NEK11: variants seen among roughly 807,000 people sequenced by gnomAD.
NEK11 encodes the protein serine/threonine-protein kinase Nek11.
A neutral mutation model predicts 80.7 loss-of-function variants in NEK11; 72 were observed. The ratio of observed to expected loss-of-function variants is 0.89; its 90% confidence interval spans 0.74 to 1.08. The LOEUF is 1.08. NEK11 is among the 50% of genes least tolerant of loss of function. The pLI is 0.00. For missense variants in NEK11, 764 were observed against 763.6 expected (o/e 1.00, Z -0.01); for synonymous variants, 251 against 260.7 (o/e 0.96, Z 0.36).
chr3:131,317,184 T>G (rs2096849250), intron 17 of NEK11, among the ~76,000 whole-genome samples: 1 of 152,324 alleles, frequency 6.6e-6, no homozygotes, highest in African/African-American at 2.4e-5. Context: ...AATTGCCACT[T>G]AAACCTAGGA....
At chr3:131,272,463 CTTTTTTTTTTTT>C (rs869304359) in intron 16 of NEK11, among the ~76,000 whole-genome samples, 532 of 43,940 alleles carry the variant, frequency 0.012, 25 homozygotes, top group Admixed American at 0.097. Flanking sequence ...GTTTTAGCTT[CTTTTTTTTTTTT>C]TTTTTTTTTT....
chr3:131,344,366 C>T (rs1298386358), intron 17 of NEK11, among the ~76,000 whole-genome samples: 1 of 152,234 alleles, frequency 6.6e-6, no homozygotes, highest in Non-Finnish European at 1.5e-5. Flanking sequence ...CTGGACTTCA[C>T]TGTTCATATC....
At chr3:131,274,357 A>G (rs971590814) in intron 17 of NEK11, among the ~76,000 whole-genome samples, 1,878 of 142,926 alleles carry the variant, frequency 0.013, 81 homozygotes, top group African/African-American at 0.052. Context: ...CCAGTCTATC[A>G]TTGTTGGACA....
intron 3 of NEK11, among the ~76,000 whole-genome samples, chr3:131,066,677 A>T (rs183861801): frequency 3.3e-4 from 50 of 152,048 alleles, no homozygotes; most frequent in African/African-American, 1.2e-3. Context: ...CTACTAAAAA[A>T]AAATAAATAC....
chr3:131,110,367 G>A lies in NEK11; in HGVS notation c.455+446G>A, dbSNP rs374481134. Among the ~76,000 whole-genome samples the A allele has an allele frequency of 1.6e-4, 25 of 152,250 alleles. No homozygotes were observed. In the South Asian group the frequency reaches 4.8e-3, roughly 29 times the overall value. On this transcript the variant is annotated intron_variant, in intron 5 of 17. Transcript: ENST00000383366. The stretch of plus-strand genomic sequence containing the variant: ...TAGGTTCACATCCCAAAAGAGCTCA[G>A]TAATTGAGACAGAATGTATTCTTTC...
chr3:131,113,614 G>GA (rs1303201625), intron 5 of NEK11, among the ~76,000 whole-genome samples: 4 of 151,720 alleles, frequency 2.6e-5, no homozygotes, highest in Non-Finnish European at 5.9e-5. Flanking sequence ...AATTTTTGGG[G>GA]AAAAAAAGAA....
chr3:131,135,081 A>C (rs527702728), intron 7 of NEK11, among the ~76,000 whole-genome samples: 1 of 152,288 alleles, frequency 6.6e-6, no homozygotes, highest in African/African-American at 2.4e-5. Context: ...AAAGTAGAAA[A>C]TTACATTTTC....
At chr3:131,107,558 T>G (rs1250286951) in intron 4 of NEK11, among the ~76,000 whole-genome samples, 1 of 152,104 alleles carries the variant, frequency 6.6e-6, no homozygotes, top group Non-Finnish European at 1.5e-5. Flanking sequence ...TTTATCGTGT[T>G]CAGAGAAACT....
At chr3:131,191,566 A>C (rs1335631812) in intron 14 of NEK11, among the ~76,000 whole-genome samples, 2 of 152,142 alleles carry the variant, frequency 1.3e-5, no homozygotes, top group African/African-American at 4.8e-5. Flanking sequence ...GCTAATTAAC[A>C]ATCTTAATTC....
chr3:131,309,987 TAAAAAAAAAA>T (rs558210123), intron 17 of NEK11, among the ~76,000 whole-genome samples: 613 of 23,280 alleles, frequency 0.026, 8 homozygotes, highest in Non-Finnish European at 0.035. Context: ...AGACCATGTT[TAAAAAAAAAA>T]AAAAAAAAAA....
intron 14 of NEK11, among the ~76,000 whole-genome samples, chr3:131,222,056 C>T (rs2095043319): frequency 6.6e-6 from 1 of 152,060 alleles, no homozygotes; most frequent in Non-Finnish European, 1.5e-5. Flanking sequence ...GACTAAGCTT[C>T]AGTTTTTCTA....
At chr3:131,206,702 G>A (rs2094449633) in intron 14 of NEK11, among the ~76,000 whole-genome samples, 2 of 152,020 alleles carry the variant, frequency 1.3e-5, no homozygotes, top group Admixed American at 1.3e-4. Flanking sequence ...TAAGTTCTAG[G>A]GTACATGTGC....
intron 17 of NEK11, among the ~76,000 whole-genome samples, chr3:131,331,730 C>G (rs1053734985): frequency 6.6e-6 from 1 of 152,198 alleles, no homozygotes; most frequent in Non-Finnish European, 1.5e-5. Context: ...GGGTGACAGA[C>G]GGCACCTGGA....
intron 12 of NEK11, among the ~76,000 whole-genome samples, chr3:131,168,162 TG>T (rs1209968540): frequency 2.0e-5 from 3 of 152,182 alleles, no homozygotes; most frequent in African/African-American, 7.2e-5. Flanking sequence ...CTCTTTCAAT[TG>T]TTTTCAGGAA....
chr3:131,202,301 C>T (rs1413251493), intron 14 of NEK11, among the ~76,000 whole-genome samples: 1 of 152,124 alleles, frequency 6.6e-6, no homozygotes, highest in Non-Finnish European at 1.5e-5. Flanking sequence ...CATCACCACA[C>T]CTGGGAAGTG....
At chr3:131,348,122 A>G (rs962526489) in intron 17 of NEK11, among the ~76,000 whole-genome samples, 2 of 152,196 alleles carry the variant, frequency 1.3e-5, no homozygotes, top group East Asian at 1.9e-4. Context: ...TGCAGAAACC[A>G]TAAGTACACA....
intron 4 of NEK11, among the ~76,000 whole-genome samples, chr3:131,095,934 T>C (rs1003944563): frequency 2.0e-5 from 3 of 152,180 alleles, no homozygotes; most frequent in African/African-American, 7.2e-5. Flanking sequence ...AGCAGAGTGA[T>C]AATTAAAATA....
intron 3 of NEK11, among the ~76,000 whole-genome samples, chr3:131,075,970 T>A (rs907621109): frequency 6.6e-5 from 10 of 152,130 alleles, no homozygotes; most frequent in African/African-American, 2.4e-4. Flanking sequence ...GGCCATGCTG[T>A]TTCTGATGAC....
chr3:131,335,446 T>G (rs897033511), intron 17 of NEK11, among the ~76,000 whole-genome samples: 27 of 152,250 alleles, frequency 1.8e-4, no homozygotes, highest in African/African-American at 6.0e-4. Context: ...CTCAATAAAT[T>G]AGGTATTGAT....
Sources: gnomAD v4.1 joint callset for allele counts (sites outside exome capture counted in the v4.1 genomes callset) on GRCh38, gnomAD v4.1.1 for gene constraint, MANE v1.5 for transcripts, NCBI Gene and HGNC (gene_info 2026-07-23, HGNC 2026-07-21) for gene names.